Variants in C8orf34 observed in about 807,000 individuals in gnomAD.
C8orf34 encodes the protein chromosome 8 open reading frame 34.
Under a neutral mutation model 68.3 loss-of-function variants are expected in C8orf34, and 65 were observed. That is an observed-to-expected ratio of 0.95 (90% CI 0.78 to 1.17). C8orf34 has a LOEUF of 1.17. Among genes scored for constraint, C8orf34 ranks in the 50% most tolerant of loss-of-function variants. The pLI is 0.00. For synonymous variants in C8orf34, 244 were observed against 241.2 expected (o/e 1.01, Z -0.11); for missense variants, 664 against 655.4 (o/e 1.01, Z -0.14).
At chr8:68,562,913 A>G (rs965877607) in intron 7 of C8orf34, among the ~76,000 whole-genome samples, 12 of 152,198 alleles carry the variant, frequency 7.9e-5, no homozygotes, top group African/African-American at 2.9e-4. Flanking sequence ...AAGAAATTAG[A>G]ATTTCTATTC....
intron 10 of C8orf34, among the ~76,000 whole-genome samples, chr8:68,749,169 T>C (rs1478768048): frequency 1.3e-5 from 2 of 150,696 alleles, no homozygotes; most frequent in African/African-American, 4.9e-5. Context: ...TTCTCACTCA[T>C]AGGTGGGAAT....
At chr8:68,648,596 A>G (rs1051888338) in intron 8 of C8orf34, among the ~76,000 whole-genome samples, 1 of 152,214 alleles carries the variant, frequency 6.6e-6, no homozygotes, top group Non-Finnish European at 1.5e-5. Context: ...TTGATGGTGC[A>G]AGTGTTTGCA....
intron 1 of C8orf34, among the ~76,000 whole-genome samples, chr8:68,414,830 C>T (rs1809597113): frequency 6.6e-6 from 1 of 152,094 alleles, no homozygotes; most frequent in Non-Finnish European, 1.5e-5. Flanking sequence ...ATAGTTGGCA[C>T]CTGTGATATC....
chr8:68,387,023 C>A (rs1197371241), intron 1 of C8orf34, among the ~76,000 whole-genome samples: 1 of 151,766 alleles, frequency 6.6e-6, no homozygotes, highest in Non-Finnish European at 1.5e-5. Flanking sequence ...CTGAGGTATT[C>A]CAAGCTGAAG....
chr8:68,420,136 G>T (rs1158891766), intron 1 of C8orf34, among the ~76,000 whole-genome samples: 1 of 151,370 alleles, frequency 6.6e-6, no homozygotes, highest in Non-Finnish European at 1.5e-5. Context: ...CTTTTTCCTT[G>T]AGAGAATTAA....
At chr8:68,701,405 C>A (rs533127692) in intron 8 of C8orf34, among the ~76,000 whole-genome samples, 1 of 152,134 alleles carries the variant, frequency 6.6e-6, no homozygotes, top group Admixed American at 6.6e-5. Flanking sequence ...TTTAAACTTA[C>A]CATATCCCAA....
At chr8:68,676,891 A>G (rs1223950170) in intron 8 of C8orf34, among the ~76,000 whole-genome samples, 4 of 152,182 alleles carry the variant, frequency 2.6e-5, no homozygotes, top group African/African-American at 9.7e-5. Flanking sequence ...AGGCAAAGAG[A>G]GAGTTTGTGC....
At chr8:68,782,034 T>A (rs1324674451) in intron 11 of C8orf34, among the ~76,000 whole-genome samples, 1 of 152,224 alleles carries the variant, frequency 6.6e-6, no homozygotes, top group Admixed American at 6.5e-5. Context: ...ATTTTAGTAT[T>A]TCAATCAAAA....
At chr8:68,475,813 A>G (rs1812589149) in intron 4 of C8orf34, among the ~76,000 whole-genome samples, 1 of 152,184 alleles carries the variant, frequency 6.6e-6, no homozygotes, top group African/African-American at 2.4e-5. Context: ...GCTGCTTCTG[A>G]CAGCTCCCTG....
chr8:68,490,483 T>G (rs560135020), intron 5 of C8orf34, among the ~76,000 whole-genome samples: 27 of 152,136 alleles, frequency 1.8e-4, no homozygotes, highest in Non-Finnish European at 4.0e-4. Flanking sequence ...GGACATGGCC[T>G]TCTCCCTCAC....
intron 1 of C8orf34, among the ~76,000 whole-genome samples, chr8:68,394,648 T>C (rs556585646): frequency 2.0e-4 from 30 of 152,274 alleles, no homozygotes; most frequent in African/African-American, 7.0e-4. Flanking sequence ...TTCTATGATT[T>C]TAATGATGAA....
intron 1 of C8orf34, among the ~76,000 whole-genome samples, chr8:68,332,335 G>A (rs986410685): frequency 3.7e-4 from 33 of 88,332 alleles, no homozygotes; most frequent in African/African-American, 1.3e-3. Flanking sequence ...GAGAGTTCGC[G>A]GGAGGGTCGA....
At chr8:68,565,470 C>G (rs144111849) in intron 7 of C8orf34, among the ~76,000 whole-genome samples, 49 of 152,242 alleles carry the variant, frequency 3.2e-4, no homozygotes, top group African/African-American at 1.2e-3. Flanking sequence ...TTTTTCACCC[C>G]TGTTTCCAAG....
chr8:68,335,107 T>TA (rs991547158), intron 1 of C8orf34, among the ~76,000 whole-genome samples: 30 of 152,224 alleles, frequency 2.0e-4, no homozygotes, highest in African/African-American at 6.5e-4. Context: ...AGCCGTGGGC[T>TA]ACCTGTTATT....
intron 7 of C8orf34, among the ~76,000 whole-genome samples, chr8:68,608,688 T>A (rs1050059061): frequency 1.3e-5 from 2 of 151,944 alleles, no homozygotes; most frequent in African/African-American, 4.8e-5. Context: ...GGTCTGGGTA[T>A]GACATGGTCA....
intron 8 of C8orf34, among the ~76,000 whole-genome samples, chr8:68,682,973 A>G (rs1820412422): frequency 6.6e-6 from 1 of 152,058 alleles, no homozygotes; most frequent in African/African-American, 2.4e-5. Flanking sequence ...CATCTCACAG[A>G]CTCATTGTTG....
intron 10 of C8orf34, among the ~76,000 whole-genome samples, chr8:68,766,430 AT>A: frequency 6.6e-6 from 1 of 152,196 alleles, no homozygotes; most frequent in Non-Finnish European, 1.5e-5. Flanking sequence ...AAATCTATTG[AT>A]TTTTTTAAAG....
At chr8:68,602,914 T>C (rs939358510) in intron 7 of C8orf34, among the ~76,000 whole-genome samples, 1 of 152,106 alleles carries the variant, frequency 6.6e-6, no homozygotes, top group Non-Finnish European at 1.5e-5. Flanking sequence ...CCTGTACTTT[T>C]TGCTAGAGCA....
intron 1 of C8orf34, among the ~76,000 whole-genome samples, chr8:68,386,134 T>C (rs1808250076): frequency 6.6e-6 from 1 of 152,180 alleles, no homozygotes; most frequent in South Asian, 2.1e-4. Flanking sequence ...CTTGAATGCC[T>C]GGGCTTAAGC....
Sources: allele counts gnomAD v4.1 joint callset (sites outside exome capture counted in the v4.1 genomes callset), GRCh38; gene constraint gnomAD v4.1.1; transcripts MANE v1.5; gene names NCBI Gene and HGNC (gene_info 2026-07-23, HGNC 2026-07-21).